The following ZBTB37 variants were observed in gnomAD, a reference collection of about 807,000 sequenced individuals.
ZBTB37 encodes zinc finger and BTB domain-containing protein 37.
A neutral mutation model predicts 37.7 loss-of-function variants in ZBTB37; 15 were observed. The ratio of observed to expected loss-of-function variants is 0.40; its 90% confidence interval spans 0.27 to 0.61. ZBTB37 has a LOEUF of 0.61. ZBTB37 is among the 20% of genes least tolerant of loss of function. The probability of loss-of-function intolerance (pLI) is 0.44; values close to 1 mark genes in which losing one functional copy is unlikely to be tolerated. For missense variants in ZBTB37, 514 were observed against 641.9 expected (o/e 0.80, Z 2.15); for synonymous variants, 231 against 220.6 (o/e 1.05, Z -0.42).
intron 4 of ZBTB37, among the ~76,000 whole-genome samples, chr1:173,879,434 A>G (rs1656174375): frequency 6.6e-6 from 1 of 152,164 alleles, no homozygotes; most frequent in Non-Finnish European, 1.5e-5. Flanking sequence ...GGAGAAGGGT[A>G]GGAGACAAAT....
exon 4 of ZBTB37, chr1:173,896,433 T>C (rs573596407): frequency 6.6e-6 from 1 of 152,316 alleles, no homozygotes; most frequent in Non-Finnish European, 1.5e-5. Context: ...TGGAAATGTC[T>C]CTCATTCTCT....
downstream of ZBTB37, chr1:173,890,885 T>C (rs1656815492): frequency 6.6e-6 from 1 of 152,228 alleles, no homozygotes; most frequent in Admixed American, 6.5e-5. Flanking sequence ...GTCTGGTACT[T>C]GTTAGAAAAA....
At chr1:173,883,364 G>A (rs1292878391) in intron 4 of ZBTB37, among the ~76,000 whole-genome samples, 1 of 152,060 alleles carries the variant, frequency 6.6e-6, no homozygotes, top group East Asian at 1.9e-4. Context: ...CTGTAATTCC[G>A]GCTACTCAGG....
exon 5 of ZBTB37, chr1:173,886,223 C>CT: frequency 6.9e-7 from 1 of 1,453,748 alleles, no homozygotes; most frequent in Non-Finnish European, 9.1e-7. Flanking sequence ...AATGCCACAT[C>CT]ACTAGGCCAG....
intron 4 of ZBTB37, among the ~76,000 whole-genome samples, chr1:173,875,301 T>C (rs1020314483): frequency 8.7e-5 from 13 of 148,650 alleles, no homozygotes; most frequent in Non-Finnish European, 1.5e-5. Flanking sequence ...GCATTTTATT[T>C]ATATATATAT....
intron 4 of ZBTB37, among the ~76,000 whole-genome samples, chr1:173,876,773 C>A (rs1425320535): frequency 6.6e-6 from 1 of 152,112 alleles, no homozygotes; most frequent in African/African-American, 2.4e-5. Flanking sequence ...TTTTTCTCCT[C>A]ATCTCTCAAA....
downstream of ZBTB37, chr1:173,888,693 G>A (rs1321871103): frequency 6.6e-6 from 1 of 152,108 alleles, no homozygotes; most frequent in Admixed American, 6.5e-5. Context: ...ACCTCCCGAA[G>A]TGCTAGGATT....
At chr1:173,869,813 C>T (rs1407546429) in intron 2 of ZBTB37, among the ~76,000 whole-genome samples, 2 of 152,198 alleles carry the variant, frequency 1.3e-5, no homozygotes, top group Non-Finnish European at 2.9e-5. Flanking sequence ...AAGCTTTCCT[C>T]CTCCAGAGAA....
intron 1 of ZBTB37, 37 bp downstream of exon 1, chr1:173,868,442 C>A (rs548288319): frequency 6.5e-6 from 1 of 153,642 alleles, no homozygotes; most frequent in African/African-American, 2.4e-5. Flanking sequence ...GGGCCCCACA[C>A]CCCAGTGCCA....
chr1:173,896,469 A>G (rs1217430001), exon 4 of ZBTB37: 1 of 152,208 alleles, frequency 6.6e-6, no homozygotes, highest in Non-Finnish European at 1.5e-5. Context: ...GCCCTCCTAT[A>G]GATTCTCTGT....
At chr1:173,882,600 A>G (rs932481340) in intron 4 of ZBTB37, among the ~76,000 whole-genome samples, 1 of 152,120 alleles carries the variant, frequency 6.6e-6, no homozygotes, top group African/African-American at 2.4e-5. Flanking sequence ...CCGTTTGTCT[A>G]TTTTGGCTTT....
chr1:173,885,599 T>A (rs762268501), intron 4 of ZBTB37, 37 bp from the exon 5 acceptor site: 1 of 1,473,974 alleles, frequency 6.8e-7, no homozygotes, highest in South Asian at 1.3e-5. Flanking sequence ...CTTAATAATA[T>A]TTGTTCTTTC....
chr1:173,874,573 G>T (rs895046820), intron 4 of ZBTB37, among the ~76,000 whole-genome samples: 1 of 152,050 alleles, frequency 6.6e-6, no homozygotes, highest in Non-Finnish European at 1.5e-5. Flanking sequence ...GGGTGGTTTC[G>T]ATCTCCTGAC....
chr1:173,896,098 G>A (rs1156688939), exon 4 of ZBTB37: 1 of 152,094 alleles, frequency 6.6e-6, no homozygotes, highest in Non-Finnish European at 1.5e-5. Context: ...TTAATTTTGG[G>A]TACCTACAAA....
At chr1:173,870,598 A>T in exon 3 of ZBTB37, 2 of 1,614,206 alleles carry the variant, frequency 1.2e-6, no homozygotes, top group Non-Finnish European at 8.5e-7. Context: ...CCTGGAGGGC[A>T]TTCATTTCAA....
exon 4 of ZBTB37, chr1:173,899,740 A>T (rs1451454585): frequency 6.6e-6 from 1 of 152,230 alleles, no homozygotes; most frequent in Non-Finnish European, 1.5e-5. Context: ...TCATGGCAGG[A>T]TAACCTCAAT....
In ZBTB37 at chr1:173,871,167, G is replaced by C. The variant is rs1331752885; in HGVS notation, c.923+19G>C. The C allele has an allele frequency of 4.5e-6, 7 of 1,563,444 alleles. No homozygotes were observed. Among genetic ancestry groups the C allele is most frequent in the Non-Finnish European group, 6.1e-6 (7 of 1,155,540 alleles). ...TTGACAGGTAGGTTTGGTTTGGTTTGGTTTTCCCATGTAATGGCTATTGTG... is the reference window on the plus strand; with the variant it reads ...TTGACAGGTAGGTTTGGTTTGGTTTCGTTTTCCCATGTAATGGCTATTGTG... On this transcript the variant is annotated intron_variant, in intron 3 of 4. Coordinates refer to ENST00000427304, the Ensembl canonical transcript of ZBTB37.
At chr1:173,875,872 T>C (rs1655939730) in intron 4 of ZBTB37, among the ~76,000 whole-genome samples, 1 of 152,060 alleles carries the variant, frequency 6.6e-6, no homozygotes, top group South Asian at 2.1e-4. Context: ...TTGCCCAGGC[T>C]GGTCTCAAAC....
exon 4 of ZBTB37, chr1:173,903,232 A>T (rs182286757): frequency 6.7e-6 from 1 of 149,430 alleles, no homozygotes; most frequent in Admixed American, 6.7e-5. Flanking sequence ...GAGCCCCAGG[A>T]CCCCTGTCGT....
Sources: allele counts gnomAD v4.1 joint callset (sites outside exome capture counted in the v4.1 genomes callset), GRCh38; gene constraint gnomAD v4.1.1; transcripts MANE v1.5; gene names NCBI Gene and HGNC (gene_info 2026-07-23, HGNC 2026-07-21).